CTSC: variants seen among roughly 807,000 people sequenced by gnomAD.
CTSC encodes cathepsin C, also known as dipeptidyl peptidase 1.
CTSC carries 37 observed loss-of-function variants against 40.9 expected under a neutral mutation model. The observed-to-expected ratio is 0.91, with a 90% CI of 0.70 to 1.19. The LOEUF (loss-of-function observed/expected upper bound fraction) is 1.19, where lower values mean the gene tolerates loss of function less well. Among genes scored for constraint, CTSC ranks in the 50% most tolerant of loss-of-function variants. The probability of loss-of-function intolerance (pLI) is 0.00; values close to 1 mark genes in which losing one functional copy is unlikely to be tolerated. For missense variants in CTSC, 594 were observed against 567.3 expected (o/e 1.05, Z -0.48); for synonymous variants, 232 against 207.4 (o/e 1.12, Z -1.02).
intron 2 of CTSC, chr11:88,322,881 A>C (rs562673535): frequency 1.3e-5 from 2 of 152,324 alleles, no homozygotes; most frequent in African/African-American, 4.8e-5. Context: ...ACTATTCCAA[A>C]CAATTGAAAA....
intron 1 of CTSC, among the ~76,000 whole-genome samples, chr11:88,336,169 T>C (rs145907433): frequency 1.5e-4 from 22 of 150,538 alleles, no homozygotes; most frequent in African/African-American, 5.4e-4. Flanking sequence ...TGCTCTGACA[T>C]GGGAGATTGC....
At chr11:88,333,832 A>G (rs1050262039) in intron 2 of CTSC, among the ~76,000 whole-genome samples, 4 of 152,198 alleles carry the variant, frequency 2.6e-5, no homozygotes, top group East Asian at 1.9e-4. Flanking sequence ...CACCAGCTGC[A>G]TATCACACCA....
Position 88,294,242 on chromosome 11 carries a change from C to T in CTSC, c.1156G>A (p.Gly386Arg). Residue 386 changes from glycine to arginine, a missense_variant, in exon 7 of 7, where the codon GGG becomes AGG. By Grantham distance (125) the Gly-to-Arg change is moderately radical. Transcript: ENST00000227266. ...VYDDFLHYKK[G>R]IYHHTGLRDP... The stretch of plus-strand genomic sequence containing the variant: ...CTTAGACCAGTGTGGTGGTAGATCC[C>T]CTTTTTGTAGTGGAGGAAGTCATCA... 1 of 1,613,980 alleles carries T rather than the reference C, an allele frequency of 6.2e-7. No homozygotes were observed. Among genetic ancestry groups the T allele is most frequent in the Non-Finnish European group, 8.5e-7 (1 of 1,180,014 alleles).
chr11:88,311,903 A>G (rs1443196914), intron 3 of CTSC, among the ~76,000 whole-genome samples: 1 of 152,210 alleles, frequency 6.6e-6, no homozygotes, highest in African/African-American at 2.4e-5. Flanking sequence ...AAAACTGTGA[A>G]AAAACAACCT....
intron 4 of CTSC, among the ~76,000 whole-genome samples, chr11:88,304,833 C>T (rs72964964): frequency 1.3e-5 from 2 of 152,132 alleles, no homozygotes; most frequent in Non-Finnish European, 2.9e-5. Flanking sequence ...TTTGGTGGCT[C>T]ACATCTGTAA....
intron 2 of CTSC, chr11:88,325,900 T>G (rs1938169432): frequency 1.0e-6 from 1 of 988,916 alleles, no homozygotes; most frequent in Non-Finnish European, 1.2e-6. Flanking sequence ...AGGGCCTTAT[T>G]TTCTCCTTAC....
At chr11:88,337,063 T>C (rs1938515537) in intron 1 of CTSC, among the ~76,000 whole-genome samples, 1 of 152,094 alleles carries the variant, frequency 6.6e-6, no homozygotes, top group Non-Finnish European at 1.5e-5. Flanking sequence ...TCCCACCATC[T>C]AACAAAAAGA....
rs374844651 is a variant in CTSC at position 88,309,242 on chromosome 11, T to C, written c.562A>G (p.Thr188Ala). ...AGAGTCTCATATTCCATGTATGTAG[T>C]TGCAGTCCAAGACTTCTGAATGGCA... ...INAIQKSWTA[T>A]TYMEYETLTL... The change falls in exon 4 of 7, where the codon ACT becomes GCT. Residue 188 changes from threonine (T) to alanine (A), a missense_variant. Physicochemically the swap from Thr to Ala is moderately conservative, Grantham distance 58. Coordinates refer to ENST00000227266, the MANE Select transcript of CTSC (RefSeq NM_001814.6). 5.0e-6 allele frequency: 8 copies of C among 1,613,742 alleles called. No individual in the cohort carries two copies. The African/African-American group carries it at 1.1e-4, about 22-fold the overall frequency.
Position 88,300,542 on chromosome 11 carries a change from C to T in CTSC, c.745G>A (p.Val249Ile). 6.2e-7 allele frequency: 1 copy of T among 1,605,570 alleles called. No homozygotes were observed. Among genetic ancestry groups the T allele is most frequent in the Non-Finnish European group, 8.5e-7 (1 of 1,172,232 alleles). Residue 249 changes from valine to isoleucine, a missense_variant, in exon 5 of 7, where the codon GTT becomes ATT. Coordinates refer to ENST00000227266, the MANE Select transcript of CTSC (RefSeq NM_001814.6). ...CTTATTTTTTTACCTTGGTTTCGAA[C>T]AGGACTGACAAAATTGATACCATGA... Reference protein sequence around the residue: ...NVHGINFVSPVRNQASCGSCY... With the variant: ...NVHGINFVSPIRNQASCGSCY...
Position 88,327,908 on chromosome 11 carries a change from A to G in CTSC, c.318+7029T>C, listed in dbSNP as rs1230291605. The G allele has an allele frequency of 5.1e-6, 3 of 588,762 alleles. No individual in the cohort carries two copies. The East Asian group carries it at 8.8e-5, about 17-fold the overall frequency. The allele number at this position is 588,762 out of a possible 1,614,324, so 36.5% of individuals were successfully genotyped here. The stretch of plus-strand genomic sequence containing the variant: ...ATTTGACATGTGAAAACAGAACATA[A>G]TAAAGTAGAAAATTACTCACATAAA... On this transcript the variant is annotated intron_variant, in intron 2 of 6. Coordinates refer to ENST00000227266, the MANE Select transcript of CTSC (RefSeq NM_001814.6).
intron 5 of CTSC, chr11:88,297,894 T>C (rs945901317): frequency 5.9e-5 from 9 of 152,156 alleles, no homozygotes; most frequent in Non-Finnish European, 1.3e-4. Context: ...ATTTCTACAA[T>C]CTCAAATAGA....
chr11:88,301,491 C>T (rs749542960), intron 4 of CTSC, among the ~76,000 whole-genome samples: 44 of 152,122 alleles, frequency 2.9e-4, no homozygotes, highest in Non-Finnish European at 5.7e-4. Context: ...TAAATCTCCG[C>T]TTTTGTTGCT....
intron 3 of CTSC, among the ~76,000 whole-genome samples, chr11:88,310,562 G>A (rs1184462628): frequency 6.6e-6 from 1 of 152,080 alleles, no homozygotes; most frequent in Non-Finnish European, 1.5e-5. Context: ...TGTGTGTAGA[G>A]AGAGAATTTT....
intron 4 of CTSC, among the ~76,000 whole-genome samples, chr11:88,303,273 C>G (rs1944389028): frequency 6.6e-6 from 1 of 152,190 alleles, no homozygotes; most frequent in Admixed American, 6.5e-5. Context: ...GTCCTCCAAT[C>G]CAGTTTTGAC....
At chr11:88,311,326 T>C (rs1326099280) in intron 3 of CTSC, among the ~76,000 whole-genome samples, 1 of 152,238 alleles carries the variant, frequency 6.6e-6, no homozygotes, top group Non-Finnish European at 1.5e-5. Flanking sequence ...GATGAATTAG[T>C]CTAGATCTTG....
Position 88,303,914 on chromosome 11 carries a change from C to CACAGAG in CTSC, c.642-3270_642-3269insCTCTGT, listed in dbSNP as rs368056797. On this transcript the variant is annotated intron_variant, in intron 4 of 6. Transcript: ENST00000227266. ...AGGTGAGAGGAGGGCGGAAGAAGAT[C>CACAGAG]AGAGAGAGAGAGAGAGAGAGACTCT... Among the ~76,000 whole-genome samples, 10 of 148,190 alleles carry CACAGAG rather than the reference C, an allele frequency of 6.7e-5. No individual in the cohort carries two copies. In the Admixed American group the frequency reaches 6.8e-4, roughly 10 times the overall value.
intron 2 of CTSC, among the ~76,000 whole-genome samples, chr11:88,318,934 CTAAT>C (rs1176267100): frequency 6.6e-6 from 1 of 151,952 alleles, no homozygotes; most frequent in Admixed American, 6.6e-5. Flanking sequence ...AATAAATAAA[CTAAT>C]TAAATTGAAA....
intron 2 of CTSC, among the ~76,000 whole-genome samples, chr11:88,333,271 A>G (rs909393810): frequency 6.6e-5 from 10 of 152,254 alleles, no homozygotes; most frequent in African/African-American, 2.4e-4. Flanking sequence ...TCAAAAGAAT[A>G]AACTATGTAC....
At chr11:88,310,913 T>C (rs75660144) in intron 3 of CTSC, among the ~76,000 whole-genome samples, 10,900 of 152,266 alleles carry the variant, frequency 0.072, 445 homozygotes, top group Non-Finnish European at 0.096. Flanking sequence ...TTCGCTTGCT[T>C]TATCATAACA....
Sources: gnomAD v4.1 joint callset for allele counts (sites outside exome capture counted in the v4.1 genomes callset) on GRCh38, gnomAD v4.1.1 for gene constraint, MANE v1.5 for transcripts, NCBI Gene and HGNC (gene_info 2026-07-23, HGNC 2026-07-21) for gene names.